SPRY1: variants seen among roughly 807,000 people sequenced by gnomAD.
SPRY1 encodes the protein protein sprouty homolog 1.
In SPRY1, 20 loss-of-function variants were observed where a neutral mutation model predicts 22.6. That is an observed-to-expected ratio of 0.89 (90% CI 0.62 to 1.29). SPRY1 has a LOEUF of 1.29. Among genes scored for constraint, SPRY1 ranks in the 50% most tolerant of loss-of-function variants. The pLI is 0.00. For synonymous variants in SPRY1, 155 were observed against 144.7 expected, an observed-to-expected ratio of 1.07 and a Z score of -0.51; for missense variants, 446 against 387.7, an observed-to-expected ratio of 1.15 and a Z score of -1.26.
At chr4:123,400,230 T>TAA (rs1263957233) in intron 2 of SPRY1, 1 of 152,086 alleles carries the variant, frequency 6.6e-6, no homozygotes, top group African/African-American at 2.4e-5. Context: ...GAAGGTAGAA[T>TAA]AAAGTAGAAA....
chr4:123,398,984 C>T (rs567459908), intron 2 of SPRY1, among the ~76,000 whole-genome samples: 74 of 152,280 alleles, frequency 4.9e-4, no homozygotes, highest in South Asian at 2.9e-3. Context: ...CGATTACCCC[C>T]TCGATAGAAT....
rs1218704457 is a variant in SPRY1, at chr4:123,402,993, G to T, written c.*442G>T. The T allele has an allele frequency of 4.8e-6, 2 of 416,948 alleles. No homozygotes were observed. The highest frequency in any genetic ancestry group is 8.8e-6 in the Non-Finnish European group (2 of 228,026). The allele number at this position is 416,948 out of a possible 1,614,324, so 25.8% of individuals were successfully genotyped here. A position where few individuals can be genotyped will look rare whatever the true frequency, so the allele number is the denominator to read the frequency against. ...AAGCTATGTATTAAATCTGTCTCCA[G>T]TTAGGGCTATCTTCCTAGCATAGGC... On this transcript the variant is annotated 3_prime_UTR_variant, in exon 3 of 3. Transcript: ENST00000651917.
In SPRY1 at chr4:123,401,882, G is replaced by A; in HGVS notation, c.291G>A (p.Leu97=). ...ACGAGCACAGACACACAAGCCACCT[G>A]GGACATGCAGTACTCCCAAGTAATG... is the stretch of plus-strand genomic sequence containing the variant. ...NNYEHRHTSH[L]GHAVLPSNAR... The change falls in exon 3 of 3, where the codon CTG becomes CTA. Residue 97 remains leucine (L), a synonymous_variant. Coordinates refer to ENST00000651917, the MANE Select transcript of SPRY1 (RefSeq NM_001258038.2). 6.2e-7 allele frequency: 1 copy of A among 1,614,148 alleles called. No individual in the cohort carries two copies. The highest frequency in any genetic ancestry group is 8.5e-7 in the Non-Finnish European group (1 of 1,180,022).
chr4:123,402,690 A>G lies in SPRY1; in HGVS notation c.*139A>G. On this transcript the variant is annotated 3_prime_UTR_variant, in exon 3 of 3. Transcript: ENST00000651917. ...TTCCCCTGTTGCCAAGGTCTAACTC[A>G]TGGATTTTTCTCTTTCCTCATGGAT... 8.7e-7 allele frequency: 1 copy of G among 1,148,494 alleles called. No homozygotes were observed. The allele number at this position is 1,148,494 out of a possible 1,614,324, so 71.1% of individuals were successfully genotyped here. A position where few individuals can be genotyped will look rare whatever the true frequency, so the allele number is the denominator to read the frequency against.
At chr4:123,398,475 G>A (rs1051299348) in intron 2 of SPRY1, 1 of 151,358 alleles carries the variant, frequency 6.6e-6, no homozygotes, top group Admixed American at 6.6e-5. Context: ...ACCTGGGCCG[G>A]GTCGCACGGC....
At chr4:123,399,502 C>T (rs888157896) in intron 2 of SPRY1, 1 of 152,336 alleles carries the variant, frequency 6.6e-6, no homozygotes, top group African/African-American at 2.4e-5. Context: ...TTTCCTTCTT[C>T]CGTCAACTAT....
chr4:123,403,156 A>AT lies in SPRY1; in HGVS notation c.*611dup. The AT allele has an allele frequency of 4.5e-6, 1 of 219,900 alleles. No homozygotes were observed. 13.6% of individuals were successfully genotyped at this position (219,900 alleles called of 1,614,324 possible). A position where few individuals can be genotyped will look rare whatever the true frequency, so the allele number is the denominator to read the frequency against. On this transcript the variant is annotated 3_prime_UTR_variant, in exon 3 of 3. Transcript: ENST00000651917. ...GTCTTACTCTGGAGATGCCAAGTGT[A>AT]TTTTTTCTTTCTATGTAATTTTAGA... is the stretch of plus-strand genomic sequence containing the variant.
At position 123,403,029 on chromosome 4, in the gene SPRY1, G is replaced by A. The variant is rs1338596418; in HGVS notation, c.*478G>A. ...CTTCCTAGCATAGGCCCCTTAAGTA[G>A]CATGGGGGATATATTTTTTGCTATA... On this transcript the variant is annotated 3_prime_UTR_variant, in exon 3 of 3. Transcript: ENST00000651917. The A allele has an allele frequency of 6.5e-5, 26 of 401,996 alleles. No individual in the cohort carries two copies. Among genetic ancestry groups the A allele is most frequent in the Non-Finnish European group, 1.0e-4 (22 of 219,728 alleles). The allele number at this position is 401,996 out of a possible 1,614,324, so 24.9% of individuals were successfully genotyped here. A position where few individuals can be genotyped will look rare whatever the true frequency, so the allele number is the denominator to read the frequency against.
rs535040315 is a variant in SPRY1 at position 123,401,626 on chromosome 4, C to T, written c.35C>T (p.Ser12Leu). Residue 12 changes from serine (S) to leucine (L), a missense_variant, in exon 3 of 3, where the codon TCG becomes TTG. Ser to Leu is a moderately radical substitution (Grantham distance 145). Transcript: ENST00000651917. Reference protein sequence around the residue: ...DPQNQHGSGSSLVVIQQPSLD... With the variant: ...DPQNQHGSGSLLVVIQQPSLD... ...CAAAATCAACATGGCAGTGGCAGTT[C>T]GTTAGTTGTGATCCAGCAGCCTTCT... The T allele has an allele frequency of 1.1e-5, 17 of 1,614,092 alleles. No individual in the cohort carries two copies. In the Middle Eastern group the frequency reaches 4.9e-4, roughly 47 times the overall value.
rs764236200 is a variant in SPRY1 at position 123,401,743 on chromosome 4, A to G, written c.152A>G (p.Asn51Ser). The G allele has an allele frequency of 3.7e-6, 6 of 1,614,098 alleles. No individual in the cohort carries two copies. Among genetic ancestry groups the G allele is most frequent in the South Asian group, 1.1e-5 (1 of 91,088 alleles). Reference sequence around the variant, plus strand: ...CAGATCAAGGCCATAAGAGGCAGCAATGAATACACAGAAGGGCCTTCGGTG... The same window carrying G: ...CAGATCAAGGCCATAAGAGGCAGCAGTGAATACACAGAAGGGCCTTCGGTG... Reference protein sequence around the residue: ...LDQIKAIRGSNEYTEGPSVVK... With the variant: ...LDQIKAIRGSSEYTEGPSVVK... Residue 51 changes from asparagine to serine, a missense_variant, in exon 3 of 3, where the codon AAT becomes AGT. Asn to Ser is a conservative substitution (Grantham distance 46). Transcript: ENST00000651917.
At chr4:123,398,520 G>A (rs977551385) in intron 2 of SPRY1, 5 of 151,764 alleles carry the variant, frequency 3.3e-5, no homozygotes, top group African/African-American at 1.2e-4. Flanking sequence ...CTAGGTGAGT[G>A]TGTGCGGCGG....
rs571261618 is a variant in SPRY1 at position 123,402,645 on chromosome 4, TC to T, written c.*97del. On this transcript the variant is annotated 3_prime_UTR_variant, in exon 3 of 3. Coordinates refer to ENST00000651917, the MANE Select transcript of SPRY1 (RefSeq NM_001258038.2). Reference sequence around the variant, plus strand: ...TTGTTTTTGTTTTCTTTAGAATTTTTCCCTGTTTCCCACCTTCTCTTCCCCT... The same window carrying T: ...TTGTTTTTGTTTTCTTTAGAATTTTTCCTGTTTCCCACCTTCTCTTCCCCT... 165 of 1,473,922 alleles carry T rather than the reference TC, an allele frequency of 1.1e-4. No homozygotes were observed. The African/African-American group carries it at 2.1e-3, about 19-fold the overall frequency. 91.3% of individuals were successfully genotyped at this position (1,473,922 alleles called of 1,614,324 possible).
At chr4:123,399,126 C>T (rs949892398) in intron 2 of SPRY1, among the ~76,000 whole-genome samples, 4 of 119,060 alleles carry the variant, frequency 3.4e-5, no homozygotes, top group African/African-American at 1.0e-4. Context: ...CCTGTAATCC[C>T]AGCACTTGGG....
chr4:123,399,619 C>T (rs929801110), intron 2 of SPRY1: 21 of 152,282 alleles, frequency 1.4e-4, no homozygotes, highest in African/African-American at 4.8e-4. Context: ...CCCAGCTTTT[C>T]CTTTAAAGCA....
rs1043901201 is a variant in SPRY1 at position 123,402,610 on chromosome 4, G to A, written c.*59G>A. The A allele has an allele frequency of 7.3e-6, 11 of 1,504,452 alleles. No individual in the cohort carries two copies. Among genetic ancestry groups the A allele is most frequent in the South Asian group, 2.7e-5 (2 of 73,714 alleles). 93.2% of individuals were successfully genotyped at this position (1,504,452 alleles called of 1,614,324 possible). ...AGCTTTCAAGTTGTGGCTGTTTTTT[G>A]TTTTTGTTTTTGTTTTTGTTTTCTT... is the stretch of plus-strand genomic sequence containing the variant. On this transcript the variant is annotated 3_prime_UTR_variant, in exon 3 of 3. Coordinates refer to ENST00000651917, the MANE Select transcript of SPRY1 (RefSeq NM_001258038.2).
At position 123,401,598 on chromosome 4, in the gene SPRY1, C is replaced by A; in HGVS notation, c.7C>A (p.Pro3Thr). The A allele has an allele frequency of 6.2e-7, 1 of 1,613,880 alleles. No individual in the cohort carries two copies. The highest frequency in any genetic ancestry group is 1.1e-5 in the South Asian group (1 of 91,020). Residue 3 changes from proline to threonine, a missense_variant, in exon 3 of 3, where the codon CCC becomes ACC. Transcript: ENST00000651917. MDPQNQHGSGSSL... is the reference protein window; with the variant it reads MDTQNQHGSGSSL... ...GAACTCGAGATCACTACACATGGAT[C>A]CCCAAAATCAACATGGCAGTGGCAG... is the stretch of plus-strand genomic sequence containing the variant.
In SPRY1 at chr4:123,398,482, C is replaced by A. The variant is rs891345451; in HGVS notation, c.-56+626C>A. 8 of 151,506 alleles carry A rather than the reference C, an allele frequency of 5.3e-5. 1 individual carries two copies. Among genetic ancestry groups the A allele is most frequent in the East Asian group, 2.0e-4 (1 of 5,122 alleles). 9.4% of individuals were successfully genotyped at this position (151,506 alleles called of 1,614,324 possible). A position where few individuals can be genotyped will look rare whatever the true frequency, so the allele number is the denominator to read the frequency against. On this transcript the variant is annotated intron_variant, in intron 2 of 2. Coordinates refer to ENST00000651917, the MANE Select transcript of SPRY1 (RefSeq NM_001258038.2). ...GCACCAGGACCTGGGCCGGGTCGCA[C>A]GGCTTGGCCCCCGGCCACCGCTTCG... is the stretch of plus-strand genomic sequence containing the variant.
Position 123,401,537 on chromosome 4 carries a change from G to T in SPRY1, c.-55G>T. 3.2e-6 allele frequency: 5 copies of T among 1,546,852 alleles called. No homozygotes were observed. The highest frequency in any genetic ancestry group is 2.5e-5 in the South Asian group (2 of 79,262). On this transcript the variant is annotated splice_region_variant and 5_prime_UTR_variant, in exon 3 of 3. Coordinates refer to ENST00000651917, the MANE Select transcript of SPRY1 (RefSeq NM_001258038.2). ...TTTTTCATCTTTGATTTCGTTTTAG[G>T]ATTTCAGATGCATGCCAGGTTTCCA... is the stretch of plus-strand genomic sequence containing the variant.
In SPRY1 at chr4:123,402,093, G is replaced by A. The variant is rs764433677; in HGVS notation, c.502G>A (p.Gly168Ser). Residue 168 changes from glycine (G) to serine (S), a missense_variant, in exon 3 of 3, where the codon GGT (glycine) becomes AGT (serine). Transcript: ENST00000651917. ...PKQLIVDDLK[G>S]SLKEDLTQHK... ...GCAACTGATTGTGGATGACTTGAAG[G>A]GTTCCTTGAAAGAGGACCTGACACA... 6.2e-7 allele frequency: 1 copy of A among 1,614,160 alleles called. No homozygotes were observed. The highest frequency in any genetic ancestry group is 1.1e-5 in the South Asian group (1 of 91,078).
Sources: allele counts gnomAD v4.1 joint callset (sites outside exome capture counted in the v4.1 genomes callset), GRCh38; gene constraint gnomAD v4.1.1; transcripts MANE v1.5; gene names NCBI Gene and HGNC (gene_info 2026-07-23, HGNC 2026-07-21).